The following TRAPPC2L variants were observed in gnomAD, a reference collection of about 807,000 sequenced individuals.
The protein encoded by TRAPPC2L is trafficking protein particle complex subunit 2-like protein.
A neutral mutation model predicts 13.2 loss-of-function variants in TRAPPC2L; 17 were observed. That is an observed-to-expected ratio of 1.29 (90% CI 0.88 to 1.93). TRAPPC2L has a LOEUF of 1.93. Ranked by LOEUF, TRAPPC2L falls within the 30% of genes most tolerant of loss-of-function variation. The probability of loss-of-function intolerance (pLI) is 0.00; values close to 1 mark genes in which losing one functional copy is unlikely to be tolerated. For missense variants in TRAPPC2L, 359 were observed against 252.1 expected (o/e 1.42, Z -2.87); for synonymous variants, 150 against 98.1 (o/e 1.53, Z -3.12).
At chr16:88,861,059 C>G in exon 4 of TRAPPC2L, 4 of 1,201,464 alleles carry the variant, frequency 3.3e-6, no homozygotes, top group Non-Finnish European at 4.8e-6. Context: ...ACGCCTGGGG[C>G]TTTCAGGGCA....
chr16:88,858,475 G>A (rs895152610), intron 1 of TRAPPC2L, 144 bp from the exon 2 acceptor site: 3 of 807,060 alleles, frequency 3.7e-6, no homozygotes, highest in Admixed American at 2.4e-5. Context: ...TGCCCACTGC[G>A]GCATAGAGAA....
At chr16:88,857,411 G>T (rs1567552915) in intron 1 of TRAPPC2L, 3 of 491,832 alleles carry the variant, frequency 6.1e-6, no homozygotes. Flanking sequence ...ACCCCTCGGC[G>T]CAGCAGGTCT....
At chr16:88,859,493 G>A in intron 2 of TRAPPC2L, 170 bp from the exon 3 acceptor site, 1 of 740,170 alleles carries the variant, frequency 1.4e-6, no homozygotes, top group South Asian at 1.4e-5. Context: ...ACCAGACGTC[G>A]CCCTAGCAAA....
At chr16:88,859,176 CGTCTA>C (rs1232086364) in intron 2 of TRAPPC2L, 10 of 452,602 alleles carry the variant, frequency 2.2e-5, no homozygotes, top group Non-Finnish European at 4.2e-5. Context: ...ACTAGACACT[CGTCTA>C]GTCCCTTGGG....
Position 88,857,195 on chromosome 16 carries a change from C to A in TRAPPC2L, c.33+12C>A. On this transcript the variant is annotated intron_variant, in intron 1 of 3. Transcript: ENST00000565504. ...TGATTGCCAAGGAGGTGCGTACGCG[C>A]GGCGTGGGGCGTCCGGGCTCGCACC... 1 of 1,565,072 alleles carries A rather than the reference C, an allele frequency of 6.4e-7. No homozygotes were observed. Among genetic ancestry groups the A allele is most frequent in the East Asian group, 2.5e-5 (1 of 40,234 alleles).
chr16:88,859,667 G>A (rs774450235), exon 3 of TRAPPC2L: 9 of 1,613,932 alleles, frequency 5.6e-6, no homozygotes, highest in Middle Eastern at 1.6e-4. Context: ...GTGCAGATAC[G>A]GCTACGTCAC....
At chr16:88,858,558 C>G (rs2143015393) in intron 1 of TRAPPC2L, 61 bp from the exon 2 acceptor site, 1 of 1,573,906 alleles carries the variant, frequency 6.4e-7, no homozygotes, top group Non-Finnish European at 8.6e-7. Flanking sequence ...CAGCATAGTT[C>G]AGAGCTGGTG....
chr16:88,859,843 C>G (rs1407515233), intron 3 of TRAPPC2L, 50 bp from the exon 4 acceptor site: 3 of 1,581,754 alleles, frequency 1.9e-6, no homozygotes, highest in Non-Finnish European at 2.6e-6. Context: ...AAAAATCTGG[C>G]AGTGGCTGTG....
At chr16:88,856,229 G>A (rs886310663), upstream of TRAPPC2L, 26 of 702,920 alleles carry the variant, frequency 3.7e-5, no homozygotes, top group Middle Eastern at 2.3e-4. Context: ...TTCTCCAGAG[G>A]ACAGAGACAG....
chr16:88,859,097 G>C (rs1968194933), intron 2 of TRAPPC2L: 1 of 467,814 alleles, frequency 2.1e-6, no homozygotes, highest in South Asian at 2.2e-5. Context: ...GTGCTTTTCA[G>C]GGGGAGCCAC....
chr16:88,857,124 G>A (rs1274497186), upstream of TRAPPC2L: 3 of 1,547,316 alleles, frequency 1.9e-6, no homozygotes, highest in African/African-American at 1.4e-5. Context: ...GTCACGTGAC[G>A]CGGTGCCTGG....
At chr16:88,857,971 T>TC (rs1162088054) in intron 1 of TRAPPC2L, among the ~76,000 whole-genome samples, 1 of 152,212 alleles carries the variant, frequency 6.6e-6, no homozygotes, top group Admixed American at 6.5e-5. Context: ...CTCATGGGCT[T>TC]CCCTCTTGGC....
chr16:88,859,522 AGCACG>A, intron 2 of TRAPPC2L, 136 bp from the exon 3 acceptor site: 2 of 840,006 alleles, frequency 2.4e-6, no homozygotes, highest in Non-Finnish European at 2.1e-6. Context: ...GCTTGTACCC[AGCACG>A]GCCACTGCAG....
At chr16:88,860,073 A>T in exon 4 of TRAPPC2L, 1 of 1,159,640 alleles carries the variant, frequency 8.6e-7, no homozygotes, top group Non-Finnish European at 1.3e-6. Context: ...GGGAGGAAAG[A>T]TCTTTTTAAG....
rs76042178 is a variant in TRAPPC2L, at chr16:88,861,744, C to T, written c.*1420C>T. 2,300 of 455,408 alleles carry T rather than the reference C, an allele frequency of 5.1e-3. 54 individuals are homozygous for T. Among genetic ancestry groups the T allele is most frequent in the African/African-American group, 0.041 (2,060 of 50,108 alleles). The allele number at this position is 455,408 out of a possible 1,614,324, so 28.2% of individuals were successfully genotyped here. On this transcript the variant is annotated 3_prime_UTR_variant, in exon 4 of 4. Transcript: ENST00000565504. ...GCTCAGCCCGCTGAGGGGACCCCCC[C>T]GGAGTTGGTTCCAGCACTGGTCCAG...
rs189764554 is a variant in TRAPPC2L, at chr16:88,862,211, G to A, written c.*1887G>A. 1,301 of 153,210 alleles carry A rather than the reference G, an allele frequency of 8.5e-3. 8 individuals are homozygous for A. The highest frequency in any genetic ancestry group is 0.013 in the Non-Finnish European group (904 of 68,548). The allele number at this position is 153,210 out of a possible 1,614,324, so 9.5% of individuals were successfully genotyped here. On this transcript the variant is annotated 3_prime_UTR_variant, in exon 4 of 4. Coordinates refer to ENST00000565504, the Ensembl canonical transcript of TRAPPC2L. The stretch of plus-strand genomic sequence containing the variant: ...CACTCCTGCCCGAGTCCTGGCTGTG[G>A]TGGGGACTCTGCAAGTTGCTAACCC...
At chr16:88,856,884 C>A, upstream of TRAPPC2L, 1 of 1,506,032 alleles carries the variant, frequency 6.6e-7, no homozygotes, top group Non-Finnish European at 8.8e-7. Flanking sequence ...CCATGGCAAC[C>A]ACGGGAGCCG....
chr16:88,856,564 C>T, upstream of TRAPPC2L: 2 of 641,540 alleles, frequency 3.1e-6, no homozygotes, highest in Non-Finnish European at 5.6e-6. Context: ...GGGGCCTCCC[C>T]CTCCCCGCAC....
exon 4 of TRAPPC2L, chr16:88,860,946 T>TA: frequency 6.3e-7 from 1 of 1,592,758 alleles, no homozygotes; most frequent in Non-Finnish European, 8.5e-7. Flanking sequence ...TCGATGATGA[T>TA]ACAGGTGTGC....
Sources: allele counts gnomAD v4.1 joint callset (sites outside exome capture counted in the v4.1 genomes callset), GRCh38; gene constraint gnomAD v4.1.1; transcripts MANE v1.5; gene names NCBI Gene and HGNC (gene_info 2026-07-23, HGNC 2026-07-21).